The following ZDHHC15 variants were observed in gnomAD, a reference collection of about 807,000 sequenced individuals.
ZDHHC15 encodes the protein zDHHC palmitoyltransferase 15, also known as palmitoyltransferase ZDHHC15.
Under a neutral mutation model 31.7 loss-of-function variants are expected in ZDHHC15, and 19 were observed. The ratio of observed to expected loss-of-function variants is 0.60; its 90% CI spans 0.42 to 0.88. The LOEUF (loss-of-function observed/expected upper bound fraction) is 0.88, where lower values mean the gene tolerates loss of function less well. Ranked by LOEUF, ZDHHC15 falls within the 40% of genes least tolerant of loss-of-function variation. ZDHHC15 has a pLI of 0.00. For synonymous variants in ZDHHC15, 103 were observed against 90.0 expected (o/e 1.14, Z -0.82); for missense variants, 209 against 251.2 (o/e 0.83, Z 1.14).
chrX:75,457,296 A>G (rs967055628), intron 3 of ZDHHC15, among the ~76,000 whole-genome samples: 3 of 110,375 alleles, frequency 2.7e-5, no homozygotes, highest in African/African-American at 9.9e-5. Context: ...CTCTTGTGAA[A>G]TAGCTTTTCA....
chrX:75,492,704 G>A (rs2084919219), intron 2 of ZDHHC15, among the ~76,000 whole-genome samples: 1 of 111,521 alleles, frequency 9.0e-6, no homozygotes, highest in Non-Finnish European at 1.9e-5. Context: ...CAAAATGAAG[G>A]CAGAAATAAA....
At chrX:75,383,902 C>A in intron 10 of ZDHHC15, among the ~76,000 whole-genome samples, 1 of 95,859 alleles carries the variant, frequency 1.0e-5, no homozygotes, top group East Asian at 1.3e-3. Flanking sequence ...CCACACCCAG[C>A]TAATTTTTTT....
intron 2 of ZDHHC15, among the ~76,000 whole-genome samples, chrX:75,485,599 G>A (rs1236516315): frequency 2.7e-5 from 3 of 111,495 alleles, no homozygotes; most frequent in African/African-American, 6.5e-5. Context: ...AGGAGGATGG[G>A]AGGTCCAGCC....
intron 11 of ZDHHC15, among the ~76,000 whole-genome samples, chrX:75,373,758 A>T (rs1455068748): frequency 9.0e-6 from 1 of 110,871 alleles, no homozygotes; most frequent in East Asian, 2.8e-4. Context: ...GCAATGCATA[A>T]TCATCACATT....
intron 1 of ZDHHC15, among the ~76,000 whole-genome samples, chrX:75,506,340 C>G (rs2085163440): frequency 9.0e-6 from 1 of 111,504 alleles, no homozygotes; most frequent in Non-Finnish European, 1.9e-5. Context: ...AGTTAAGGGT[C>G]AGAAAAATAG....
At chrX:75,410,726 A>G (rs754778392) in intron 10 of ZDHHC15, among the ~76,000 whole-genome samples, 2 of 112,233 alleles carry the variant, frequency 1.8e-5, no homozygotes. Flanking sequence ...CATCAATTCC[A>G]CTACTGGGTA....
intron 10 of ZDHHC15, among the ~76,000 whole-genome samples, chrX:75,386,836 T>A (rs1379111342): frequency 8.9e-6 from 1 of 111,776 alleles, no homozygotes; most frequent in Non-Finnish European, 1.9e-5. Context: ...AGAGAGTAAC[T>A]GGAATAAGCT....
intron 5 of ZDHHC15, among the ~76,000 whole-genome samples, chrX:75,430,720 C>T (rs981649679): frequency 5.4e-5 from 6 of 111,488 alleles, no homozygotes; most frequent in African/African-American, 2.0e-4. Flanking sequence ...ACCTGACATA[C>T]TACCTCAGCC....
chrX:75,379,883 C>G (rs2083096867), intron 10 of ZDHHC15, among the ~76,000 whole-genome samples: 1 of 109,672 alleles, frequency 9.1e-6, no homozygotes, highest in Non-Finnish European at 1.9e-5. Context: ...AATCTAGATT[C>G]CTAAAGACAG....
At chrX:75,380,928 C>T (rs1437193707) in intron 10 of ZDHHC15, among the ~76,000 whole-genome samples, 1 of 111,523 alleles carries the variant, frequency 9.0e-6, no homozygotes. Context: ...TAGGTTCTCA[C>T]ATAAACCCTT....
chrX:75,413,196 T>C (rs1198454563), intron 10 of ZDHHC15, among the ~76,000 whole-genome samples: 2 of 112,208 alleles, frequency 1.8e-5, no homozygotes, highest in Non-Finnish European at 3.8e-5. Context: ...AGAAAACAAA[T>C]AAATAAGCAT....
At chrX:75,475,517 A>T (rs2084590731) in intron 3 of ZDHHC15, among the ~76,000 whole-genome samples, 1 of 112,085 alleles carries the variant, frequency 8.9e-6, no homozygotes, top group Admixed American at 9.4e-5. Context: ...GTTGTTGAAG[A>T]TTTCTGACCA....
At chrX:75,488,389 G>A (rs1005841418) in intron 2 of ZDHHC15, among the ~76,000 whole-genome samples, 1 of 111,807 alleles carries the variant, frequency 8.9e-6, no homozygotes, top group African/African-American at 3.3e-5. Flanking sequence ...CAAAATAATT[G>A]TCAGTCAAGA....
intron 10 of ZDHHC15, among the ~76,000 whole-genome samples, chrX:75,381,179 G>A (rs1169819478): frequency 1.8e-5 from 2 of 111,743 alleles, no homozygotes; most frequent in African/African-American, 6.5e-5. Context: ...CCCAAACTAT[G>A]AGCATTGTGT....
chrX:75,484,094 G>T (rs2084738398), intron 2 of ZDHHC15, among the ~76,000 whole-genome samples: 2 of 112,170 alleles, frequency 1.8e-5, no homozygotes, highest in Non-Finnish European at 3.8e-5. Flanking sequence ...GTATTAAGAA[G>T]ATGCATCAAT....
At chrX:75,407,044 T>C (rs2083419268) in intron 10 of ZDHHC15, among the ~76,000 whole-genome samples, 1 of 112,587 alleles carries the variant, frequency 8.9e-6, no homozygotes, top group Non-Finnish European at 1.9e-5. Context: ...AGCCTCCACC[T>C]CCCAGCTGCC....
At chrX:75,459,020 A>G (rs1261529600) in intron 3 of ZDHHC15, among the ~76,000 whole-genome samples, 1 of 97,456 alleles carries the variant, frequency 1.0e-5, no homozygotes, top group Non-Finnish European at 2.1e-5. Context: ...AACAACCCCC[A>G]GCCAAGGGAA....
At chrX:75,406,885 A>G (rs1428351094) in intron 10 of ZDHHC15, among the ~76,000 whole-genome samples, 1 of 112,264 alleles carries the variant, frequency 8.9e-6, no homozygotes, top group Non-Finnish European at 1.9e-5. Flanking sequence ...GTGAAAAAAG[A>G]AAACTCAGGC....
chrX:75,521,325 A>G (rs1441902442), intron 1 of ZDHHC15, among the ~76,000 whole-genome samples: 1 of 111,323 alleles, frequency 9.0e-6, no homozygotes, highest in Non-Finnish European at 1.9e-5. Context: ...GGATTCTTCA[A>G]TGTGAGAAGA....
Sources: allele counts gnomAD v4.1 joint callset (sites outside exome capture counted in the v4.1 genomes callset), GRCh38; gene constraint gnomAD v4.1.1; transcripts MANE v1.5; gene names NCBI Gene and HGNC (gene_info 2026-07-23, HGNC 2026-07-21).